Variants in GRIN2C observed in about 807,000 individuals in gnomAD.
GRIN2C encodes the protein glutamate ionotropic receptor NMDA type subunit 2C, also known as glutamate receptor ionotropic, NMDA 2C.
A neutral mutation model predicts 77.7 loss-of-function variants in GRIN2C; 64 were observed. That is an observed-to-expected ratio of 0.82 (90% CI 0.67 to 1.01). GRIN2C has a LOEUF of 1.01. Among genes scored for constraint, GRIN2C ranks in the 50% least tolerant of loss-of-function variants. The probability of loss-of-function intolerance (pLI) is 0.00; values close to 1 mark genes in which losing one functional copy is unlikely to be tolerated. For missense variants in GRIN2C, 1,549 were observed against 1,486.0 expected, an observed-to-expected ratio of 1.04 and a Z score of -0.70; for synonymous variants, 792 against 643.4, an observed-to-expected ratio of 1.23 and a Z score of -3.49.
rs760467690 is a variant in GRIN2C, at chr17:74,842,685, A to T, written c.3452T>A (p.Leu1151Gln). The change falls in exon 13 of 13, where the codon CTG becomes CAG. Residue 1151 changes from leucine to glutamine, a missense_variant. By Grantham distance (113) the Leu-to-Gln change is moderately radical. Around this residue, in one of 3 missense-constraint regions of GRIN2C, gnomAD observed 450 missense variants for 267.9 expected, o/e 1.68. Transcript: ENST00000293190. ...AAATGGCAGGTGGGCGTGGGCGTGC[A>T]GGCAGACGTGCTGTCTGTGCTGCCA... ...PAWQHRQHVC[L>Q]HAHAHLPFCW... 15 of 728,846 alleles carry T rather than the reference A, an allele frequency of 2.1e-5. No individual in the cohort carries two copies. In the South Asian group the frequency reaches 2.2e-4, roughly 11 times the overall value. The allele number at this position is 728,846 out of a possible 1,614,324, so 45.1% of individuals were successfully genotyped here.
In GRIN2C at chr17:74,852,199, A is replaced by C; in HGVS notation, c.812T>G (p.Val271Gly). 1 of 1,450,812 alleles carries C rather than the reference A, an allele frequency of 6.9e-7. No individual in the cohort carries two copies. The highest frequency in any genetic ancestry group is 9.1e-7 in the Non-Finnish European group (1 of 1,103,944). 89.9% of individuals were successfully genotyped at this position (1,450,812 alleles called of 1,614,324 possible). The change falls in exon 3 of 13, where the codon GTG (valine) becomes GGG (glycine). Residue 271 changes from valine to glycine, a missense_variant. This residue lies in a region of GRIN2C where 717 missense variants were observed against 858.1 expected (regional missense o/e 0.84). Coordinates refer to ENST00000293190, the MANE Select transcript of GRIN2C (RefSeq NM_000835.6). Reference sequence around the variant, plus strand: ...CTCGGTGACGACGCTGATGAGGCCCACGGGGAAGGTGGCGGGGGGCGCATC... The same window carrying C: ...CTCGGTGACGACGCTGATGAGGCCCCCGGGGAAGGTGGCGGGGGGCGCATC... Reference protein sequence around the residue: ...STDAPPATFPVGLISVVTESW... With the variant: ...STDAPPATFPGGLISVVTESW...
chr17:74,842,194 A>G lies in GRIN2C; in HGVS notation c.*241T>C, dbSNP rs377437428. 43 of 490,122 alleles carry G rather than the reference A, an allele frequency of 8.8e-5. No individual in the cohort carries two copies. The highest frequency in any genetic ancestry group is 5.1e-4 in the East Asian group (13 of 25,724). 30.4% of individuals were successfully genotyped at this position (490,122 alleles called of 1,614,324 possible). On this transcript the variant is annotated 3_prime_UTR_variant, in exon 13 of 13. Coordinates refer to ENST00000293190, the MANE Select transcript of GRIN2C (RefSeq NM_000835.6). Reference sequence around the variant, plus strand: ...GGGAAGGGAGAGCCTCAGGAGTCTGACCCCCACAGCACACCCTCCTGGCAG... The same window carrying G: ...GGGAAGGGAGAGCCTCAGGAGTCTGGCCCCCACAGCACACCCTCCTGGCAG...
rs1442238615 is a variant in GRIN2C, at chr17:74,847,351, T to C, written c.1958A>G (p.Gln653Arg). The C allele has an allele frequency of 6.3e-7, 1 of 1,589,894 alleles. No individual in the cohort carries two copies. Among genetic ancestry groups the C allele is most frequent in the African/African-American group, 1.4e-5 (1 of 73,860 alleles). Reference sequence around the variant, plus strand: ...CGACACAGTGTCGATGTATTGCTCTTGGATCATGAAGGCGGCCAGGTTGGC... The same window carrying C: ...CGACACAGTGTCGATGTATTGCTCTCGGATCATGAAGGCGGCCAGGTTGGC... The part of the protein sequence containing the change: ...YTANLAAFMI[Q>R]EQYIDTVSGL... Residue 653 changes from glutamine to arginine, a missense_variant, in exon 9 of 13, where the codon CAA (glutamine) becomes CGA (arginine). Transcript: ENST00000293190. This position sits in a 1 kb window ranked among gnomAD's most constrained non-coding sequence, Gnocchi z 5.2.
chr17:74,852,157 A>T lies in GRIN2C; in HGVS notation c.854T>A (p.Leu285Gln). Residue 285 changes from leucine (L) to glutamine (Q), a missense_variant, in exon 3 of 13, where the codon CTG becomes CAG. By Grantham distance (113) the Leu-to-Gln change is moderately radical. Around this residue, in one of 3 missense-constraint regions of GRIN2C, gnomAD observed 717 missense variants for 858.1 expected, o/e 0.84. Transcript: ENST00000293190. ...SVVTESWRLS[L>Q]RQKVRDGVAI... ...CACGCCGTCGCGCACCTTCTGGCGC[A>T]GGCTGAGGCGCCAGCTCTCGGTGAC... The T allele has an allele frequency of 2.1e-6, 3 of 1,452,158 alleles. No homozygotes were observed. Among genetic ancestry groups the T allele is most frequent in the Non-Finnish European group, 2.7e-6 (3 of 1,104,114 alleles). 90.0% of individuals were successfully genotyped at this position (1,452,158 alleles called of 1,614,324 possible).
At position 74,855,099 on chromosome 17, in the gene GRIN2C, C is replaced by T. The variant is rs199792373; in HGVS notation, c.-7G>A. On this transcript the variant is annotated 5_prime_UTR_variant, in exon 2 of 13. Transcript: ENST00000293190. ...GCCCCAGGGCCCCACCCATGTCCAC[C>T]GGAGGGTCCTGCGGAGAGACCAGAA... 44 of 1,575,828 alleles carry T rather than the reference C, an allele frequency of 2.8e-5. No individual in the cohort carries two copies. Among genetic ancestry groups the T allele is most frequent in the East Asian group, 9.0e-5 (4 of 44,616 alleles).
chr17:74,844,813 C>A (rs766216282), intron 11 of GRIN2C, among the ~76,000 whole-genome samples: 1 of 152,194 alleles, frequency 6.6e-6, no homozygotes, highest in African/African-American at 2.4e-5. Flanking sequence ...AGCATTCATT[C>A]ATTCACTCCT....
intron 2 of GRIN2C, 41 bp from the exon 3 acceptor site, chr17:74,852,652 C>CTCGG: frequency 2.2e-6 from 2 of 929,684 alleles, no homozygotes; most frequent in Non-Finnish European, 2.9e-6. Flanking sequence ...GAGGGCCGAG[C>CTCGG]CCCTCCTCCC....
intron 12 of GRIN2C, chr17:74,844,041 T>G: frequency 1.3e-6 from 1 of 783,906 alleles, no homozygotes; most frequent in East Asian, 2.8e-5. Flanking sequence ...GCCCAGCTAA[T>G]TCTTTTATTT....
intron 1 of GRIN2C, among the ~76,000 whole-genome samples, chr17:74,857,846 A>G (rs1015817440): frequency 3.3e-5 from 5 of 152,266 alleles, no homozygotes; most frequent in African/African-American, 1.2e-4. Flanking sequence ...GACAACAGGG[A>G]AAAAGAATGT....
rs1209714255 is a variant in GRIN2C, at chr17:74,852,300, G to A, written c.711C>T (p.Phe237=). The change falls in exon 3 of 13, where the codon TTC becomes TTT. Residue 237 remains phenylalanine (F), a synonymous_variant. Coordinates refer to ENST00000293190, the MANE Select transcript of GRIN2C (RefSeq NM_000835.6). The stretch of plus-strand genomic sequence containing the variant: ...CCAGACCGGCCTGCGCCGCCTCGGC[G>A]AAGAGCACCTCGGCCTCCTCGCGCG... ...YCSREEAEVL[F]AEAAQAGLVG... The A allele has an allele frequency of 1.6e-5, 23 of 1,433,540 alleles. No individual in the cohort carries two copies. Among genetic ancestry groups the A allele is most frequent in the Admixed American group, 6.1e-5 (2 of 32,926 alleles). 88.8% of individuals were successfully genotyped at this position (1,433,540 alleles called of 1,614,324 possible).
Position 74,843,024 on chromosome 17 carries a change from G to T in GRIN2C, c.3113C>A (p.Ser1038Tyr). Residue 1038 changes from serine to tyrosine, a missense_variant, in exon 13 of 13, where the codon TCC (serine) becomes TAC (tyrosine). Physicochemically the swap from Ser to Tyr is moderately radical, Grantham distance 144. This residue lies in a region of GRIN2C where 450 missense variants were observed against 267.9 expected (regional missense o/e 1.68). Transcript: ENST00000293190. ...GAAGAGCGGGAGGAAGGGGCGGCCGGATCGGTCGGCTCGAGGAAAGGAGCT... is the reference window on the plus strand; with the variant it reads ...GAAGAGCGGGAGGAAGGGGCGGCCGTATCGGTCGGCTCGAGGAAAGGAGCT... ...HYSSFPRADR[S>Y]GRPFLPLFPE... 2.0e-6 allele frequency: 1 copy of T among 492,542 alleles called. No homozygotes were observed. Among genetic ancestry groups the T allele is most frequent in the South Asian group, 3.0e-5 (1 of 33,838 alleles). The allele number at this position is 492,542 out of a possible 1,614,324, so 30.5% of individuals were successfully genotyped here.
rs371819004 is a variant in GRIN2C, at chr17:74,849,732, G to C, written c.1645+48C>G. On this transcript the variant is annotated intron_variant, in intron 7 of 12. Transcript: ENST00000293190. This position sits in a 1 kb window ranked among gnomAD's most constrained non-coding sequence, Gnocchi z 4.6. The stretch of plus-strand genomic sequence containing the variant: ...CACCCAAGCTGTACACACCCTCCTC[G>C]TGGGCCCCTCTGCCCCCGGAGCCGT... 1.3e-6 allele frequency: 2 copies of C among 1,569,096 alleles called. No individual in the cohort carries two copies. The highest frequency in any genetic ancestry group is 1.1e-5 in the South Asian group (1 of 88,652).
Position 74,842,846 on chromosome 17 carries a change from G to A in GRIN2C, c.3291C>T (p.Pro1097=), listed in dbSNP as rs545034964. 9 of 589,258 alleles carry A rather than the reference G, an allele frequency of 1.5e-5. No individual in the cohort carries two copies. Among genetic ancestry groups the A allele is most frequent in the African/African-American group, 1.2e-4 (6 of 50,214 alleles). 36.5% of individuals were successfully genotyped at this position (589,258 alleles called of 1,614,324 possible). A position where few individuals can be genotyped will look rare whatever the true frequency, so the allele number is the denominator to read the frequency against. The change falls in exon 13 of 13, where the codon CCC becomes CCT. Residue 1097 remains proline (P), a synonymous_variant. Transcript: ENST00000293190. ...AEAFARPSSL[P]AGCTGPACAR... ...CGCAGGCGGGGCCGGTGCACCCAGC[G>A]GGCAGCGAGCTGGGCCGAGCGAAGG...
Position 74,850,077 on chromosome 17 carries a change from C to T in GRIN2C, c.1491+129G>A. ...GGCCCTCAGAGCTCAGCTTTCAGTA[C>T]TGACCACCCCAGGAGTCATCATTGG... On this transcript the variant is annotated intron_variant, in intron 6 of 12. Transcript: ENST00000293190. The surrounding 1 kb of genome is among the most constrained non-coding windows in gnomAD (Gnocchi z 5.3). 1.5e-6 allele frequency: 2 copies of T among 1,342,978 alleles called. No homozygotes were observed. The highest frequency in any genetic ancestry group is 1.3e-5 in the South Asian group (1 of 76,830). 83.2% of individuals were successfully genotyped at this position (1,342,978 alleles called of 1,614,324 possible). A position where few individuals can be genotyped will look rare whatever the true frequency, so the allele number is the denominator to read the frequency against.
chr17:74,850,600 G>C lies in GRIN2C; in HGVS notation c.1281C>G (p.Val427=), dbSNP rs767304943. The part of the protein sequence containing the change: ...ESPDPGTGGC[V]PNTVPCRRQS... Reference sequence around the variant, plus strand: ...GCCTGCGGCAGGGCACGGTGTTGGGGACACAGCCTCCTGTGCCAGGGTCAG... The same window carrying C: ...GCCTGCGGCAGGGCACGGTGTTGGGCACACAGCCTCCTGTGCCAGGGTCAG... The change falls in exon 5 of 13, where the codon GTC becomes GTG. Residue 427 remains valine (V), a synonymous_variant. Coordinates refer to ENST00000293190, the MANE Select transcript of GRIN2C (RefSeq NM_000835.6). The surrounding 1 kb of genome is among the most constrained non-coding windows in gnomAD (Gnocchi z 5.3). 1.2e-6 allele frequency: 2 copies of C among 1,613,464 alleles called. No individual in the cohort carries two copies. Among genetic ancestry groups the C allele is most frequent in the Non-Finnish European group, 1.7e-6 (2 of 1,180,020 alleles).
chr17:74,844,518 G>A lies in GRIN2C; in HGVS notation c.2351-10C>T. 6.2e-7 allele frequency: 1 copy of A among 1,612,588 alleles called. No individual in the cohort carries two copies. Among genetic ancestry groups the A allele is most frequent in the Non-Finnish European group, 8.5e-7 (1 of 1,178,762 alleles). Reference sequence around the variant, plus strand: ...AGTTTCTGTGTCTCTCCTGGAGTTGGGGGGTGTACACATCTGGCTCAGGAA... The same window carrying A: ...AGTTTCTGTGTCTCTCCTGGAGTTGAGGGGTGTACACATCTGGCTCAGGAA... On this transcript the variant is annotated splice_polypyrimidine_tract_variant and intron_variant, in intron 11 of 12. Coordinates refer to ENST00000293190, the MANE Select transcript of GRIN2C (RefSeq NM_000835.6).
chr17:74,846,314 T>G lies in GRIN2C; in HGVS notation c.2163-61A>C, dbSNP rs957168546. On this transcript the variant is annotated intron_variant, in intron 10 of 12. Coordinates refer to ENST00000293190, the MANE Select transcript of GRIN2C (RefSeq NM_000835.6). The surrounding 1 kb of genome is among the most constrained non-coding windows in gnomAD (Gnocchi z 4.4). Reference sequence around the variant, plus strand: ...ATGGGAGGGGAGGGGACACCGAAACTGGGGCGTGACAGGGGTCTAAACCAC... The same window carrying G: ...ATGGGAGGGGAGGGGACACCGAAACGGGGGCGTGACAGGGGTCTAAACCAC... 6.7e-7 allele frequency: 1 copy of G among 1,482,482 alleles called. No individual in the cohort carries two copies. The highest frequency in any genetic ancestry group is 1.4e-5 in the African/African-American group (1 of 72,286). The allele number at this position is 1,482,482 out of a possible 1,614,324, so 91.8% of individuals were successfully genotyped here. A position where few individuals can be genotyped will look rare whatever the true frequency, so the allele number is the denominator to read the frequency against.
In GRIN2C at chr17:74,850,630, C is replaced by T. The variant is rs148805318; in HGVS notation, c.1251G>A (p.Glu417=). 1.2e-6 allele frequency: 2 copies of T among 1,613,572 alleles called. No homozygotes were observed. The highest frequency in any genetic ancestry group is 2.7e-5 in the African/African-American group (2 of 74,904). ...TLEERPFVIV[E]SPDPGTGGCV... ...AGCCTCCTGTGCCAGGGTCAGGGCT[C>T]TCCACGATGACAAAGGGCCGCTCTT... Residue 417 remains glutamate, a synonymous_variant, in exon 5 of 13, where the codon GAG becomes GAA. Transcript: ENST00000293190. The surrounding 1 kb of genome is among the most constrained non-coding windows in gnomAD (Gnocchi z 5.3).
chr17:74,851,740 C>G (rs1369098174), intron 3 of GRIN2C, 49 bp from the exon 4 acceptor site: 24 of 1,146,664 alleles, frequency 2.1e-5, no homozygotes, highest in Non-Finnish European at 2.9e-5. Context: ...CCAGGCACCC[C>G]CTGCCTCTGC....
Sources: gnomAD v4.1 joint callset for allele counts (sites outside exome capture counted in the v4.1 genomes callset) on GRCh38, gnomAD v4.1.1 for gene constraint, gnomAD v4.1.1 regional missense constraint, Gnocchi (gnomAD v3.1) non-coding constraint, MANE v1.5 for transcripts, NCBI Gene and HGNC (gene_info 2026-07-23, HGNC 2026-07-21) for gene names.